Variants in DYSF observed in about 807,000 individuals in gnomAD.
The protein encoded by DYSF is dystrophy-associated fer-1-like 1.
A neutral mutation model predicts 274.9 loss-of-function variants in DYSF; 212 were observed. That is an observed-to-expected ratio of 0.77 (90% CI 0.69 to 0.86). The LOEUF is 0.86. Among genes scored for constraint, DYSF ranks in the 40% least tolerant of loss-of-function variants. The probability of loss-of-function intolerance (pLI) is 0.00; values close to 1 mark genes in which losing one functional copy is unlikely to be tolerated. For synonymous variants in DYSF, 1,091 were observed against 1,078.7 expected (o/e 1.01, Z -0.22); for missense variants, 2,666 against 2,783.2 (o/e 0.96, Z 0.95).
chr2:71,629,591 A>G (rs1262907895), intron 41 of DYSF, among the ~76,000 whole-genome samples: 1 of 152,192 alleles, frequency 6.6e-6, no homozygotes, highest in Non-Finnish European at 1.5e-5. Context: ...GTCTGGAGAC[A>G]CTATAAACAC....
At chr2:71,542,577 T>C (rs1397168756) in intron 17 of DYSF, among the ~76,000 whole-genome samples, 1 of 152,164 alleles carries the variant, frequency 6.6e-6, no homozygotes, top group African/African-American at 2.4e-5. Flanking sequence ...TGATGACTCT[T>C]ATGGAGCATG....
chr2:71,527,949 G>A (rs1418752301), intron 13 of DYSF, among the ~76,000 whole-genome samples: 1 of 152,196 alleles, frequency 6.6e-6, no homozygotes, highest in African/African-American at 2.4e-5. Context: ...CACCAATAAT[G>A]GGATATTGTT....
At chr2:71,653,175 A>G (rs993549520) in intron 42 of DYSF, among the ~76,000 whole-genome samples, 11 of 152,124 alleles carry the variant, frequency 7.2e-5, no homozygotes, top group Admixed American at 4.6e-4. Context: ...TGCTGGAGAG[A>G]ATGTGGAGAA....
At chr2:71,471,642 T>G (rs1167508593) in intron 1 of DYSF, among the ~76,000 whole-genome samples, 1 of 152,222 alleles carries the variant, frequency 6.6e-6, no homozygotes, top group Non-Finnish European at 1.5e-5. Flanking sequence ...ATCATAGATT[T>G]TTTTTTTCCC....
chr2:71,613,931 A>G (rs1348138836), intron 40 of DYSF, among the ~76,000 whole-genome samples: 2 of 152,056 alleles, frequency 1.3e-5, no homozygotes, highest in Non-Finnish European at 2.9e-5. Flanking sequence ...CTGCAGGGAA[A>G]AGGAGGAAGG....
intron 51 of DYSF, 138 bp downstream of exon 51, chr2:71,669,884 C>T: frequency 8.9e-7 from 1 of 1,119,776 alleles, no homozygotes; most frequent in Non-Finnish European, 1.3e-6. Context: ...CTGCCATCTC[C>T]ACATGGCCAC....
chr2:71,570,553 T>C, intron 28 of DYSF, 46 bp from the exon 29 acceptor site: 1 of 1,608,244 alleles, frequency 6.2e-7, no homozygotes, highest in Non-Finnish European at 8.5e-7. Flanking sequence ...CCAGGAGAGA[T>C]GGGGGGAACT....
At chr2:71,618,411 T>G (rs1558639916) in intron 40 of DYSF, among the ~76,000 whole-genome samples, 32 of 4,680 alleles carry the variant, frequency 6.8e-3, no homozygotes, top group South Asian at 0.016. Flanking sequence ...GTGGTAGAGG[T>G]GGTGTGTGTG....
intron 4 of DYSF, among the ~76,000 whole-genome samples, chr2:71,504,078 G>C (rs556592554): frequency 6.6e-6 from 1 of 152,188 alleles, no homozygotes; most frequent in Non-Finnish European, 1.5e-5. Flanking sequence ...GTGTGAGGCC[G>C]GGGCTCCTGG....
At chr2:71,502,010 C>T (rs2085022202) in intron 3 of DYSF, among the ~76,000 whole-genome samples, 1 of 152,076 alleles carries the variant, frequency 6.6e-6, no homozygotes, top group African/African-American at 2.4e-5. Flanking sequence ...TACGTCCCTA[C>T]ACACCATGCA....
intron 1 of DYSF, among the ~76,000 whole-genome samples, chr2:71,478,494 A>G (rs1039441136): frequency 1.3e-5 from 2 of 152,128 alleles, no homozygotes; most frequent in Admixed American, 6.5e-5. Flanking sequence ...TACAGGTGTG[A>G]GCCACCGCGC....
Position 71,454,002 on chromosome 2 carries a change from C to CTGAG in DYSF, c.5_8dup (p.Arg3SerfsTer47). ...CGGGGCCCTACACGCGCCAAGCATG[C>CTGAG]TGAGGGTCTTCATCCTCTATGCCGA... On this transcript the variant is annotated frameshift_variant, in exon 1 of 55. Transcript: ENST00000258104. LOFTEE classifies it high-confidence loss of function. The CTGAG allele has an allele frequency of 6.2e-7, 1 of 1,614,190 alleles. No homozygotes were observed. The highest frequency in any genetic ancestry group is 8.5e-7 in the Non-Finnish European group (1 of 1,180,024).
rs187110213 is a variant in DYSF, at chr2:71,594,612, G to A, written c.3575-3952G>A. On this transcript the variant is annotated intron_variant, in intron 32 of 55. Coordinates refer to ENST00000410020, the MANE Select transcript of DYSF (RefSeq NM_001130987.2). ...TGTGATCTGCCCCTCCTCCCCTCCT[G>A]CCTCCACTGTCCCCACTGCCCTGGT... Among the ~76,000 whole-genome samples, 3 of 152,196 alleles carry A rather than the reference G, an allele frequency of 2.0e-5. No individual in the cohort carries two copies. The East Asian group carries it at 5.8e-4, about 29-fold the overall frequency.
chr2:71,517,772 G>A (rs562528886), intron 10 of DYSF, among the ~76,000 whole-genome samples: 28 of 152,156 alleles, frequency 1.8e-4, no homozygotes, highest in Non-Finnish European at 3.4e-4. Flanking sequence ...CTGACAAAAG[G>A]CTTATTTAGT....
intron 42 of DYSF, among the ~76,000 whole-genome samples, chr2:71,653,314 A>G (rs2094700731): frequency 6.6e-6 from 1 of 152,206 alleles, no homozygotes. Flanking sequence ...TACTGGGTAT[A>G]TACCCAAAGG....
chr2:71,516,830 T>G (rs1223586621), intron 9 of DYSF, among the ~76,000 whole-genome samples, 159 bp from the exon 10 acceptor site: 1 of 152,200 alleles, frequency 6.6e-6, no homozygotes, highest in East Asian at 1.9e-4. Context: ...TATCTGCTGA[T>G]GGGGTTCCTG....
intron 31 of DYSF, among the ~76,000 whole-genome samples, 200 bp from the exon 32 acceptor site, chr2:71,590,011 A>G (rs1439346831): frequency 6.6e-6 from 1 of 151,948 alleles, no homozygotes; most frequent in Non-Finnish European, 1.5e-5. Flanking sequence ...GGCTGGCCCA[A>G]GGACATGTTA....
At chr2:71,609,036 C>G (rs2093699743) in intron 36 of DYSF, among the ~76,000 whole-genome samples, 1 of 151,920 alleles carries the variant, frequency 6.6e-6, no homozygotes, top group South Asian at 2.1e-4. Flanking sequence ...AGCAGGCATT[C>G]AAGTGCAACC....
At chr2:71,553,775 G>A (rs1377173301) in intron 20 of DYSF, 32 bp from the exon 21 acceptor site, 2 of 1,499,956 alleles carry the variant, frequency 1.3e-6, no homozygotes, top group Non-Finnish European at 1.8e-6. Context: ...TCCACTCCTG[G>A]CACAGCGCTC....
Sources: gnomAD v4.1 joint callset for allele counts (sites outside exome capture counted in the v4.1 genomes callset) on GRCh38, gnomAD v4.1.1 for gene constraint, MANE v1.5 for transcripts, NCBI Gene and HGNC (gene_info 2026-07-23, HGNC 2026-07-21) for gene names.